SSBP3: variants seen among roughly 807,000 people sequenced by gnomAD.
The protein encoded by SSBP3 is single-stranded DNA-binding protein 3.
In SSBP3, 5 loss-of-function variants were observed where a neutral mutation model predicts 69.6. The ratio of observed to expected loss-of-function variants is 0.07; its 90% CI spans 0.04 to 0.15. The LOEUF (loss-of-function observed/expected upper bound fraction) is 0.15, where lower values mean the gene tolerates loss of function less well. Ranked by LOEUF, SSBP3 falls within the 10% of genes least tolerant of loss-of-function variation. The pLI, the probability that SSBP3 is intolerant of heterozygous loss-of-function variation, is 1.00. For missense variants in SSBP3, 312 were observed against 534.0 expected, an observed-to-expected ratio of 0.58 and a Z score of 4.10; for synonymous variants, 196 against 193.4, an observed-to-expected ratio of 1.01 and a Z score of -0.11.
At chr1:54,389,878 CA>C (rs200220387) in intron 4 of SSBP3, among the ~76,000 whole-genome samples, 14,141 of 113,820 alleles carry the variant, frequency 0.12, 1,051 homozygotes, top group Admixed American at 0.31. Context: ...GACCCTGTCT[CA>C]AAAAAAAAAA....
At chr1:54,296,252 G>A (rs1645701646) in intron 4 of SSBP3, among the ~76,000 whole-genome samples, 1 of 152,230 alleles carries the variant, frequency 6.6e-6, no homozygotes, top group Non-Finnish European at 1.5e-5. Context: ...ACTGTTGGAA[G>A]AGACAAACAT....
intron 10 of SSBP3, among the ~76,000 whole-genome samples, chr1:54,242,441 A>T (rs1005544029): frequency 2.0e-5 from 3 of 152,210 alleles, no homozygotes; most frequent in Non-Finnish European, 2.9e-5. Flanking sequence ...AAAATTAGAT[A>T]AAAAATATGT....
chr1:54,228,591 G>A, intron 15 of SSBP3, 114 bp from the exon 16 acceptor site: 1 of 1,509,780 alleles, frequency 6.6e-7, no homozygotes. Flanking sequence ...CCCACACTGT[G>A]CGGAGGGCTT....
At chr1:54,238,510 C>T (rs1644541790) in intron 14 of SSBP3, 1 of 369,600 alleles carries the variant, frequency 2.7e-6, no homozygotes, top group East Asian at 7.4e-5. Flanking sequence ...GGTGAGGAGA[C>T]AGGCTGCAGC....
At chr1:54,355,197 T>C (rs531481534) in intron 4 of SSBP3, among the ~76,000 whole-genome samples, 2 of 152,204 alleles carry the variant, frequency 1.3e-5, no homozygotes, top group African/African-American at 4.8e-5. Context: ...GACCAGGCAC[T>C]CTCTGTCCTG....
intron 4 of SSBP3, among the ~76,000 whole-genome samples, chr1:54,379,104 A>C (rs1208190121): frequency 6.6e-6 from 1 of 152,176 alleles, no homozygotes; most frequent in Non-Finnish European, 1.5e-5. Flanking sequence ...CCGATCTGCC[A>C]CCCTGAAGAG....
intron 10 of SSBP3, chr1:54,242,887 T>C (rs772178342): frequency 5.0e-5 from 10 of 198,406 alleles, no homozygotes; most frequent in East Asian, 2.4e-4. Flanking sequence ...GAGGCGGAGA[T>C]TGCAGTAAGC....
intron 4 of SSBP3, among the ~76,000 whole-genome samples, chr1:54,393,704 T>C (rs958652444): frequency 3.3e-5 from 5 of 152,248 alleles, no homozygotes; most frequent in Non-Finnish European, 7.3e-5. Context: ...TAGGCACTAT[T>C]ATATATTGTG....
In SSBP3 at chr1:54,281,512, G is replaced by A. The variant is rs759318750; in HGVS notation, c.292C>T (p.Pro98Ser). The A allele has an allele frequency of 5.8e-6, 9 of 1,564,208 alleles. No homozygotes were observed. Among genetic ancestry groups the A allele is most frequent in the South Asian group, 3.5e-5 (3 of 84,718 alleles). Residue 98 changes from proline to serine, a missense_variant, in exon 5 of 18, where the codon CCG becomes TCG. By Grantham distance (74) the Pro-to-Ser change is moderately conservative. Around this residue, in one of 4 missense-constraint regions of SSBP3, gnomAD observed 134 missense variants for 212.1 expected, o/e 0.63. Transcript: ENST00000610401. ...GGAATGTTGCCAAGCACGGGGCTCG[G>A]GGCAGCTGCTGCACTCTGTGGAGAC...
At chr1:54,310,335 T>C (rs950322024) in intron 4 of SSBP3, among the ~76,000 whole-genome samples, 2 of 152,036 alleles carry the variant, frequency 1.3e-5, no homozygotes, top group African/African-American at 4.8e-5. Context: ...AGAGCTCTTT[T>C]AAAAAACACC....
At chr1:54,243,142 C>T (rs1241965247) in intron 10 of SSBP3, 93 bp downstream of exon 10, 5 of 1,122,226 alleles carry the variant, frequency 4.5e-6, no homozygotes, top group Non-Finnish European at 5.4e-6. Context: ...GAGGTACCAG[C>T]AATGACCCCT....
At chr1:54,263,868 T>C (rs1284367884) in intron 5 of SSBP3, among the ~76,000 whole-genome samples, 4 of 152,270 alleles carry the variant, frequency 2.6e-5, no homozygotes, top group South Asian at 4.1e-4. Context: ...ATCTAACACC[T>C]TGGGGCTCAT....
chr1:54,246,513 G>C (rs201802312), intron 9 of SSBP3, among the ~76,000 whole-genome samples: 1 of 151,994 alleles, frequency 6.6e-6, no homozygotes, highest in South Asian at 2.1e-4. Context: ...TGGGGTGAGA[G>C]GAGATGATAA....
chr1:54,239,614 G>GCCACCC (rs994095647), intron 13 of SSBP3, among the ~76,000 whole-genome samples: 23 of 152,202 alleles, frequency 1.5e-4, no homozygotes, highest in African/African-American at 5.5e-4. Flanking sequence ...TTACCCAGAG[G>GCCACCC]CCACCCTGCC....
chr1:54,343,137 G>A (rs888566498), intron 4 of SSBP3, among the ~76,000 whole-genome samples: 1 of 152,156 alleles, frequency 6.6e-6, no homozygotes, highest in Non-Finnish European at 1.5e-5. Flanking sequence ...TAGGACAGGT[G>A]GGGGGAAGAG....
At chr1:54,255,759 G>A (rs1644910625) in intron 7 of SSBP3, 2 of 152,108 alleles carry the variant, frequency 1.3e-5, no homozygotes, top group South Asian at 2.1e-4. Flanking sequence ...GTGGGAACCC[G>A]ATAGGCAATT....
chr1:54,399,920 G>A (rs1445552268), intron 4 of SSBP3, among the ~76,000 whole-genome samples: 1 of 152,022 alleles, frequency 6.6e-6, no homozygotes, highest in Non-Finnish European at 1.5e-5. Context: ...CACAGGCTCT[G>A]ACTCTCAGGC....
At chr1:54,228,186 C>T in intron 17 of SSBP3, 69 bp downstream of exon 17, 1 of 1,441,822 alleles carries the variant, frequency 6.9e-7, no homozygotes, top group Middle Eastern at 2.3e-4. Context: ...GGCTCCGTAG[C>T]TCGCAACTTG....
intron 7 of SSBP3, among the ~76,000 whole-genome samples, chr1:54,253,914 G>A (rs187129212): frequency 3.3e-5 from 5 of 152,306 alleles, no homozygotes; most frequent in Admixed American, 3.3e-4. Context: ...ACCCTCCTAT[G>A]TGTCGGAACT....
Sources: allele counts gnomAD v4.1 joint callset (sites outside exome capture counted in the v4.1 genomes callset), GRCh38; gene constraint gnomAD v4.1.1; regional missense constraint gnomAD v4.1.1; transcripts MANE v1.5; gene names NCBI Gene and HGNC (gene_info 2026-07-23, HGNC 2026-07-21).